The following PLCH2 variants were observed in gnomAD, a reference collection of about 807,000 sequenced individuals.
PLCH2 encodes phospholipase C eta 2, also known as 1-phosphatidylinositol 4,5-bisphosphate phosphodiesterase eta-2.
In PLCH2, 98 loss-of-function variants were observed where a neutral mutation model predicts 134.7. The observed-to-expected ratio is 0.73, with a 90% confidence interval of 0.62 to 0.86. The LOEUF is 0.86. Ranked by LOEUF, PLCH2 falls within the 40% of genes least tolerant of loss-of-function variation. The probability of loss-of-function intolerance (pLI) is 0.00; values close to 1 mark genes in which losing one functional copy is unlikely to be tolerated. For synonymous variants in PLCH2, 974 were observed against 827.5 expected (o/e 1.18, Z -3.04); for missense variants, 1,994 against 1,986.6 (o/e 1.00, Z -0.07).
the PLCH2 span, among the ~76,000 whole-genome samples, chr1:2,417,278 C>T: frequency 6.6e-6 from 1 of 152,164 alleles, no homozygotes; most frequent in Non-Finnish European, 1.5e-5. Flanking sequence ...AAAAGGAGAT[C>T]TGGGAGGACT....
Position 2,480,236 on chromosome 1 carries a change from G to A in PLCH2, c.569G>A (p.Ser190Asn), listed in dbSNP as rs368783031. The A allele has an allele frequency of 6.2e-7, 1 of 1,612,730 alleles. No individual in the cohort carries two copies. Among genetic ancestry groups the A allele is most frequent in the African/African-American group, 1.3e-5 (1 of 74,952 alleles). The change falls in exon 4 of 22, where the codon AGC (serine) becomes AAC (asparagine). Residue 190 changes from serine to asparagine, a missense_variant. This residue lies in a region of PLCH2 where 1,094 missense variants were observed against 1,234.3 expected (regional missense o/e 0.89). Coordinates refer to ENST00000378486, the MANE Select transcript of PLCH2 (RefSeq NM_014638.4). ...EADKNGDGSL[S>N]IGEVLQLLHK... is the part of the protein sequence containing the mutation. ...GACAAGAACGGGGATGGCAGCCTGA[G>A]CATTGGCGAGGTCCTGCAGCTGCTG...
upstream of PLCH2, among the ~76,000 whole-genome samples, chr1:2,476,119 T>A (rs1641603533): frequency 6.6e-6 from 1 of 152,206 alleles, no homozygotes; most frequent in East Asian, 1.9e-4. Flanking sequence ...GTCCTGCTCT[T>A]GTCCCGCAGC....
chr1:2,455,228 G>A (rs993428801), intron 2 of PLCH2, among the ~76,000 whole-genome samples: 4 of 152,194 alleles, frequency 2.6e-5, no homozygotes, highest in East Asian at 1.9e-4. Context: ...GAGCTAGGAC[G>A]GGCGGGCACC....
chr1:2,438,008 C>G lies in PLCH2; in HGVS notation c.115+7379C>G, dbSNP rs555921385. ...CAACTGAGCATCCGCCAAGGTCCCT[C>G]CAGGCCCGCCTGGCACCTACTGCCT... On this transcript the variant is annotated intron_variant, in intron 2 of 3. Transcript: ENST00000609981. Among the ~76,000 whole-genome samples the G allele has an allele frequency of 3.3e-4, 51 of 152,348 alleles. No homozygotes were observed. The South Asian group carries it at 0.01, about 31-fold the overall frequency.
chr1:2,446,169 T>C (rs982992563), intron 2 of PLCH2, among the ~76,000 whole-genome samples: 7 of 152,218 alleles, frequency 4.6e-5, no homozygotes, highest in East Asian at 3.9e-4. Flanking sequence ...GGGGTGGCCA[T>C]TGGGGGCTTG....
intron 4 of PLCH2, among the ~76,000 whole-genome samples, 168 bp downstream of exon 4, chr1:2,480,480 C>A (rs1443407284): frequency 6.6e-6 from 1 of 152,202 alleles, no homozygotes; most frequent in South Asian, 2.1e-4. Context: ...TGACCAGCCA[C>A]CCCACAGCCT....
At chr1:2,499,539 T>C (rs1643095173) in intron 19 of PLCH2, 102 bp from the exon 20 acceptor site, 2 of 885,370 alleles carry the variant, frequency 2.3e-6, no homozygotes, top group Admixed American at 2.0e-5. Context: ...GCTTGTTGGG[T>C]GTATCTGGGG....
chr1:2,459,594 T>TCCTTGCCGGTGGTCC lies in PLCH2; in HGVS notation c.116-18882_116-18881insCCTTGCCGGTGGTCC, dbSNP rs1640701641. ...CCGGTGGTCCTCCTTGCCGGTGGTC[T>TCCTTGCCGGTGGTCC]TCCTTTCCGGTGGTCCTCCTTGCCT... On this transcript the variant is annotated intron_variant, in intron 2 of 3. Transcript: ENST00000609981. Among the ~76,000 whole-genome samples the TCCTTGCCGGTGGTCC allele has an allele frequency of 3.8e-5, 2 of 52,754 alleles. 1 individual carries two copies. The highest frequency in any genetic ancestry group is 1.5e-4 in the African/African-American group (2 of 13,282). The allele number at this position is 52,754 out of a possible 152,430, so 34.6% of individuals were successfully genotyped here.
upstream of PLCH2, among the ~76,000 whole-genome samples, chr1:2,464,248 C>T (rs1457877338): frequency 6.6e-6 from 1 of 152,184 alleles, no homozygotes; most frequent in Non-Finnish European, 1.5e-5. Context: ...GAGCTTCTCC[C>T]CTCCCCACTC....
rs780661159 is a variant in PLCH2 at position 2,498,599 on chromosome 1, C to T, written c.2301C>T (p.Gly767=). The change falls in exon 17 of 22, where the codon GGC becomes GGT. Residue 767 remains glycine, a synonymous_variant. Transcript: ENST00000378486. This position sits in a 1 kb window ranked among gnomAD's most constrained non-coding sequence, Gnocchi z 5.4. ...KKQLVLRIIS[G]QQLPKPRDSM... Reference sequence around the variant, plus strand: ...AGCTGGTGCTCCGGATCATCAGTGGCCAGCAGCTTCCCAAGCCGCGCGACT... The same window carrying T: ...AGCTGGTGCTCCGGATCATCAGTGGTCAGCAGCTTCCCAAGCCGCGCGACT... 1 of 1,596,536 alleles carries T rather than the reference C, an allele frequency of 6.3e-7. No homozygotes were observed. The highest frequency in any genetic ancestry group is 8.5e-7 in the Non-Finnish European group (1 of 1,173,794).
chr1:2,483,263 C>A (rs997139352), intron 4 of PLCH2, among the ~76,000 whole-genome samples: 1 of 152,170 alleles, frequency 6.6e-6, no homozygotes, highest in Non-Finnish European at 1.5e-5. Flanking sequence ...AGGCGCAGGG[C>A]GGAACCCTGC....
rs200636832 is a variant in PLCH2 at position 2,504,613 on chromosome 1, C to T, written c.3651C>T (p.Asp1217=). The change falls in exon 22 of 22, where the codon GAC becomes GAT. Residue 1217 remains aspartate (D), a synonymous_variant. Coordinates refer to ENST00000378486, the MANE Select transcript of PLCH2 (RefSeq NM_014638.4). The stretch of plus-strand genomic sequence containing the variant: ...CAGGCCAGCGGCCTCCCATACCTGA[C>T]GAACTGCAGCCCAGGTCCCTGGCCC... ...RATGQRPPIP[D]ELQPRSLAPR... is the part of the protein sequence containing the mutation. 5.8e-4 allele frequency: 939 copies of T among 1,612,748 alleles called. 7 individuals are homozygous for T. In the East Asian group the frequency reaches 0.015, roughly 26 times the overall value.
At chr1:2,464,003 A>T (rs1640943143), upstream of PLCH2, among the ~76,000 whole-genome samples, 3 of 152,182 alleles carry the variant, frequency 2.0e-5, no homozygotes, top group Admixed American at 1.3e-4. Flanking sequence ...TTTCTGGAAC[A>T]CACTCAGGGC....
intron 2 of PLCH2, among the ~76,000 whole-genome samples, chr1:2,433,016 G>T (rs1639142767): frequency 6.6e-6 from 1 of 152,178 alleles, no homozygotes; most frequent in Non-Finnish European, 1.5e-5. Context: ...CCCACCCTTT[G>T]CCCCCTCCCA....
intron 20 of PLCH2, chr1:2,501,167 G>C (rs1201967063): frequency 1.3e-5 from 2 of 152,016 alleles, no homozygotes; most frequent in Admixed American, 6.5e-5. Flanking sequence ...CCATCTGAAC[G>C]CATCTGCCCA....
chr1:2,425,117 C>T (rs532781875), upstream of PLCH2, among the ~76,000 whole-genome samples: 43 of 148,932 alleles, frequency 2.9e-4, 1 homozygote, highest in East Asian at 4.2e-3. Context: ...GAGCGGAGAT[C>T]GCGCCACCGC....
chr1:2,491,094 C>T, intron 10 of PLCH2, 98 bp from the exon 11 acceptor site: 1 of 1,225,366 alleles, frequency 8.2e-7, no homozygotes, highest in Admixed American at 2.3e-5. Context: ...CTTCCCTGAG[C>T]CTGGGGTGGG....
chr1:2,428,443 C>G (rs1308846241), intron 1 of PLCH2, among the ~76,000 whole-genome samples: 1 of 152,240 alleles, frequency 6.6e-6, no homozygotes, highest in Non-Finnish European at 1.5e-5. Context: ...CAGGGCAGGA[C>G]TGGGTGGGCA....
intron 1 of PLCH2, among the ~76,000 whole-genome samples, chr1:2,478,003 C>A (rs1305179703): frequency 2.6e-5 from 4 of 152,218 alleles, no homozygotes; most frequent in Admixed American, 6.5e-5. Context: ...TGCACTATGG[C>A]CCCAGACAGC....
Sources: gnomAD v4.1 joint callset for allele counts (sites outside exome capture counted in the v4.1 genomes callset) on GRCh38, gnomAD v4.1.1 for gene constraint, gnomAD v4.1.1 regional missense constraint, Gnocchi (gnomAD v3.1) non-coding constraint, MANE v1.5 for transcripts, NCBI Gene and HGNC (gene_info 2026-07-23, HGNC 2026-07-21) for gene names.